Variants in RPA1 observed in about 807,000 individuals in gnomAD.
The protein encoded by RPA1 is replication protein A1.
A neutral mutation model predicts 83.0 loss-of-function variants in RPA1; 49 were observed. The observed-to-expected ratio is 0.59, with a 90% CI of 0.47 to 0.75. The LOEUF (loss-of-function observed/expected upper bound fraction) is 0.75, where lower values mean the gene tolerates loss of function less well. Ranked by LOEUF, RPA1 falls within the 30% of genes least tolerant of loss-of-function variation. The pLI is 0.00. For missense variants in RPA1, 693 were observed against 776.1 expected (o/e 0.89, Z 1.27); for synonymous variants, 279 against 281.8 (o/e 0.99, Z 0.10).
At chr17:1,835,826 C>T (rs1911797217) in intron 1 of RPA1, among the ~76,000 whole-genome samples, 1 of 152,058 alleles carries the variant, frequency 6.6e-6, no homozygotes, top group Non-Finnish European at 1.5e-5. Flanking sequence ...TCAAACGGAA[C>T]AGAAAGGTGT....
At chr17:1,887,466 G>A (rs1207477043) in intron 13 of RPA1, among the ~76,000 whole-genome samples, 1 of 151,960 alleles carries the variant, frequency 6.6e-6, no homozygotes, top group Non-Finnish European at 1.5e-5. Context: ...GGCTGAGGCA[G>A]GAGAATCGTT....
rs1840598128 is a variant in RPA1, at chr17:1,877,407, C to G, written c.690+93C>G. The G allele has an allele frequency of 2.8e-6, 3 of 1,086,514 alleles. No individual in the cohort carries two copies. The Admixed American group carries it at 5.9e-5, about 22-fold the overall frequency. The allele number at this position is 1,086,514 out of a possible 1,614,324, so 67.3% of individuals were successfully genotyped here. On this transcript the variant is annotated intron_variant, in intron 8 of 16. Transcript: ENST00000254719. ...GGAGGGCAGTGGGCTCGCTGGGAAA[C>G]AGAAGGCTCAGCTCTGCGGAGGGCA... is the stretch of plus-strand genomic sequence containing the variant.
At chr17:1,839,152 G>A (rs753758752) in intron 1 of RPA1, among the ~76,000 whole-genome samples, 6 of 151,822 alleles carry the variant, frequency 4.0e-5, no homozygotes, top group South Asian at 2.1e-4. Context: ...CACTGCGCCC[G>A]GCCCCTTAGT....
Position 1,879,586 on chromosome 17 carries a change from G to A in RPA1, c.979G>A (p.Glu327Lys), listed in dbSNP as rs1913701180. ...VDIIGICKSY[E>K]DATKITVRSN... ...CATCATCGGGATCTGCAAGAGCTAT[G>A]AAGACGCCACTAAAATCACAGTGAG... The change falls in exon 11 of 17, where the codon GAA becomes AAA. Residue 327 changes from glutamate (E) to lysine (K), a missense_variant. Transcript: ENST00000254719. The A allele has an allele frequency of 6.2e-7, 1 of 1,614,078 alleles. No homozygotes were observed. Among genetic ancestry groups the A allele is most frequent in the Non-Finnish European group, 8.5e-7 (1 of 1,180,032 alleles).
chr17:1,895,046 A>G lies in RPA1; in HGVS notation c.1697A>G (p.Asn566Ser). 3.1e-6 allele frequency: 5 copies of G among 1,613,722 alleles called. No individual in the cohort carries two copies. The highest frequency in any genetic ancestry group is 1.6e-4 in the Middle Eastern group (1 of 6,062). Residue 566 changes from asparagine (N) to serine (S), a missense_variant, in exon 16 of 17, where the codon AAC (asparagine) becomes AGC (serine). Coordinates refer to ENST00000254719, the MANE Select transcript of RPA1 (RefSeq NM_002945.5). ...QAFEEVFQNA[N>S]FRSFIFRVRV... ...TTTGAAGAAGTTTTCCAGAATGCCA[A>G]CTTCCGATCTTTCATATTCAGAGTC...
intron 11 of RPA1, 73 bp from the exon 12 acceptor site, chr17:1,880,470 C>T (rs1363377333): frequency 1.3e-6 from 2 of 1,530,168 alleles, no homozygotes; most frequent in African/African-American, 2.7e-5. Flanking sequence ...GAATGTTTGC[C>T]TTGTTTTCTA....
chr17:1,841,055 T>C (rs1912027970), intron 1 of RPA1, among the ~76,000 whole-genome samples: 1 of 152,094 alleles, frequency 6.6e-6, no homozygotes, highest in African/African-American at 2.4e-5. Context: ...AGAGCGAAAC[T>C]CCGTCTCAAA....
intron 15 of RPA1, among the ~76,000 whole-genome samples, chr17:1,893,310 T>C (rs1185101637): frequency 1.3e-5 from 2 of 152,376 alleles, no homozygotes; most frequent in East Asian, 3.9e-4. Context: ...TGAGGACATA[T>C]AGAAACTTCC....
At chr17:1,845,869 G>T (rs533270640) in intron 4 of RPA1, among the ~76,000 whole-genome samples, 1 of 152,112 alleles carries the variant, frequency 6.6e-6, no homozygotes, top group Non-Finnish European at 1.5e-5. Context: ...AGAGGTGAAG[G>T]TTGCAGTGAG....
intron 5 of RPA1, 41 bp from the exon 6 acceptor site, chr17:1,872,393 A>G (rs771332760): frequency 1.2e-4 from 185 of 1,605,138 alleles, no homozygotes; most frequent in Non-Finnish European, 1.5e-4. Context: ...TCTTAACCCA[A>G]ATCCTTTGCA....
chr17:1,838,441 TAAA>T (rs941539067), intron 1 of RPA1, among the ~76,000 whole-genome samples: 2 of 151,824 alleles, frequency 1.3e-5, no homozygotes, highest in African/African-American at 4.8e-5. Context: ...CCGTCTCTAC[TAAA>T]AATACAAAAT....
chr17:1,830,074 G>C lies in RPA1; in HGVS notation c.-20G>C. 8.0e-7 allele frequency: 1 copy of C among 1,249,702 alleles called. No homozygotes were observed. Among genetic ancestry groups the C allele is most frequent in the Non-Finnish European group, 1.0e-6 (1 of 988,362 alleles). 77.4% of individuals were successfully genotyped at this position (1,249,702 alleles called of 1,614,324 possible). A position where few individuals can be genotyped will look rare whatever the true frequency, so the allele number is the denominator to read the frequency against. On this transcript the variant is annotated 5_prime_UTR_variant, in exon 1 of 17. Coordinates refer to ENST00000254719, the MANE Select transcript of RPA1 (RefSeq NM_002945.5). ...CTGGAGCTGTTGCGGGGTCCGCGGG[G>C]AAGTCTTGGCGGTGGAGCCATGGTC...
At chr17:1,858,368 A>G in intron 5 of RPA1, 6 of 1,604,458 alleles carry the variant, frequency 3.7e-6, no homozygotes, top group Non-Finnish European at 5.1e-6. Context: ...GGAAGAGACC[A>G]ATTTCTGATA....
chr17:1,856,023 A>T (rs1019378204), intron 5 of RPA1, among the ~76,000 whole-genome samples: 1 of 152,128 alleles, frequency 6.6e-6, no homozygotes, highest in African/African-American at 2.4e-5. Context: ...TATCAGATGG[A>T]TTTAAAAAAT....
intron 1 of RPA1, among the ~76,000 whole-genome samples, chr17:1,831,780 T>C (rs1213740332): frequency 1.3e-5 from 2 of 151,814 alleles, no homozygotes; most frequent in Non-Finnish European, 2.9e-5. Context: ...TTGTATTTTT[T>C]AGTAGAGACG....
At chr17:1,881,886 G>A (rs1443569941) in intron 12 of RPA1, among the ~76,000 whole-genome samples, 4 of 15,506 alleles carry the variant, frequency 2.6e-4, no homozygotes, top group Non-Finnish European at 4.4e-4. Context: ...AAGAAGGGCC[G>A]CCTTGACTCC....
At chr17:1,838,215 C>T (rs1233462614) in intron 1 of RPA1, among the ~76,000 whole-genome samples, 3 of 151,870 alleles carry the variant, frequency 2.0e-5, no homozygotes, top group East Asian at 1.9e-4. Flanking sequence ...GGCGTGAACC[C>T]GGGAGGCGGA....
At position 1,879,540 on chromosome 17, in the gene RPA1, A is replaced by G. The variant is rs1284167137; in HGVS notation, c.953-20A>G. On this transcript the variant is annotated intron_variant, in intron 10 of 16. Coordinates refer to ENST00000254719, the MANE Select transcript of RPA1 (RefSeq NM_002945.5). Reference sequence around the variant, plus strand: ...ATGGGAGTCTTGACCACCTCCTGCTAACACGTGCATGTGTTTTAGACATCA... The same window carrying G: ...ATGGGAGTCTTGACCACCTCCTGCTGACACGTGCATGTGTTTTAGACATCA... The G allele has an allele frequency of 1.2e-6, 2 of 1,614,172 alleles. No homozygotes were observed. The highest frequency in any genetic ancestry group is 4.5e-5 in the East Asian group (2 of 44,888).
intron 8 of RPA1, among the ~76,000 whole-genome samples, chr17:1,878,265 C>A (rs1189604078): frequency 6.6e-6 from 1 of 152,104 alleles, no homozygotes; most frequent in African/African-American, 2.4e-5. Flanking sequence ...AAATGTACTT[C>A]AGCATTCTTT....
Sources: gnomAD v4.1 joint callset for allele counts (sites outside exome capture counted in the v4.1 genomes callset) on GRCh38, gnomAD v4.1.1 for gene constraint, MANE v1.5 for transcripts, NCBI Gene and HGNC (gene_info 2026-07-23, HGNC 2026-07-21) for gene names.